The following RABGAP1 variants were observed in gnomAD, a reference collection of about 807,000 sequenced individuals.
RABGAP1 encodes the protein RAB GTPase activating protein 1, also known as rab GTPase-activating protein 1.
A neutral mutation model predicts 137.6 loss-of-function variants in RABGAP1; 23 were observed. That is an observed-to-expected ratio of 0.17 (90% confidence interval 0.12 to 0.24). The LOEUF (loss-of-function observed/expected upper bound fraction) is 0.24. Among genes scored for constraint, RABGAP1 ranks in the 10% least tolerant of loss-of-function variants. The probability of loss-of-function intolerance (pLI) is 1.00; values close to 1 mark genes in which losing one functional copy is unlikely to be tolerated. For missense variants in RABGAP1, 906 were observed against 1,275.8 expected (o/e 0.71, Z 4.42); for synonymous variants, 451 against 450.7 (o/e 1.00, Z -0.01).
At chr9:123,023,812 T>C (rs1451436452) in intron 13 of RABGAP1, among the ~76,000 whole-genome samples, 1 of 152,226 alleles carries the variant, frequency 6.6e-6, no homozygotes, top group Non-Finnish European at 1.5e-5. Context: ...AAAGTATTTA[T>C]TCTGAACATG....
At chr9:122,948,817 T>C (rs1365228515) in intron 1 of RABGAP1, among the ~76,000 whole-genome samples, 1 of 152,194 alleles carries the variant, frequency 6.6e-6, no homozygotes, top group Non-Finnish European at 1.5e-5. Flanking sequence ...TACATGCATG[T>C]AGAGTAGCAT....
chr9:123,033,918 A>G (rs1420697464), intron 13 of RABGAP1, among the ~76,000 whole-genome samples: 1 of 152,214 alleles, frequency 6.6e-6, no homozygotes, highest in African/African-American at 2.4e-5. Flanking sequence ...CCCCCGTCTC[A>G]AATGAAAGGA....
At chr9:123,031,468 A>G (rs1479046893) in intron 13 of RABGAP1, among the ~76,000 whole-genome samples, 1 of 152,216 alleles carries the variant, frequency 6.6e-6, no homozygotes, top group African/African-American at 2.4e-5. Flanking sequence ...ACAATGGGGT[A>G]CAATAATAAA....
chr9:122,975,431 A>G (rs905909720), intron 2 of RABGAP1, among the ~76,000 whole-genome samples: 6 of 152,186 alleles, frequency 3.9e-5, no homozygotes, highest in African/African-American at 4.8e-5. Flanking sequence ...CATAAATGCA[A>G]TTTTGCTCTC....
At chr9:123,017,521 A>G (rs2031321198) in intron 12 of RABGAP1, among the ~76,000 whole-genome samples, 1 of 152,138 alleles carries the variant, frequency 6.6e-6, no homozygotes, top group Non-Finnish European at 1.5e-5. Flanking sequence ...TTCTATGGAT[A>G]TGTGTTCTAT....
Position 123,008,565 on chromosome 9 carries a change from G to A in RABGAP1, c.1375-1789G>A, listed in dbSNP as rs28569297. ...ATCTCAAAAAAAAAAAAAAAAAAGAGCTATTGCTGATCTTTGAACTGTTTA... is the reference window on the plus strand; with the variant it reads ...ATCTCAAAAAAAAAAAAAAAAAAGAACTATTGCTGATCTTTGAACTGTTTA... On this transcript the variant is annotated intron_variant, in intron 10 of 25. Coordinates refer to ENST00000373647, the MANE Select transcript of RABGAP1 (RefSeq NM_012197.4). Among the ~76,000 whole-genome samples the A allele has an allele frequency of 1.6e-3, 241 of 148,642 alleles. 1 individual carries two copies. The highest frequency in any genetic ancestry group is 5.6e-3 in the African/African-American group (227 of 40,642).
At chr9:123,089,641 C>A in intron 19 of RABGAP1, 117 bp from the exon 20 acceptor site, 1 of 731,602 alleles carries the variant, frequency 1.4e-6, no homozygotes, top group Non-Finnish European at 2.2e-6. Context: ...TAGGAAATAC[C>A]ACATCCATAA....
intron 2 of RABGAP1, among the ~76,000 whole-genome samples, chr9:122,966,833 AGGAGGAAGTCATGTC>A: frequency 6.6e-6 from 1 of 152,308 alleles, no homozygotes; most frequent in Non-Finnish European, 1.5e-5. Flanking sequence ...GAAGGCAAGG[AGGAGGAAGTCATGTC>A]TTACATGGAT....
At chr9:123,100,425 GTGTGTGTGTGTGTT>G (rs1227875855) in intron 24 of RABGAP1, among the ~76,000 whole-genome samples, 1 of 99,506 alleles carries the variant, frequency 1.0e-5, no homozygotes, top group Non-Finnish European at 2.7e-5. Flanking sequence ...GTGTGTGTGT[GTGTGTGTGTGTGTT>G]TGAGACAGAG....
chr9:123,076,162 T>TA, intron 17 of RABGAP1, 83 bp from the exon 18 acceptor site: 1 of 1,388,856 alleles, frequency 7.2e-7, no homozygotes, highest in South Asian at 1.3e-5. Context: ...ACAATTTCTT[T>TA]AAAAATGTGG....
At position 122,982,936 on chromosome 9, in the gene RABGAP1, C is replaced by T. The variant is rs537340722; in HGVS notation, c.151-1549C>T. ...CCAGGCTGGAGTGCAGTGGCGTGAT[C>T]TCGGGTCACTGCAGCCTCAACTTCT... On this transcript the variant is annotated intron_variant, in intron 2 of 25. Coordinates refer to ENST00000373647, the MANE Select transcript of RABGAP1 (RefSeq NM_012197.4). Among the ~76,000 whole-genome samples the T allele has an allele frequency of 2.1e-4, 32 of 152,226 alleles. 1 individual carries two copies. Among genetic ancestry groups the T allele is most frequent in the Middle Eastern group, 6.8e-3 (2 of 294 alleles).
At chr9:123,002,299 C>CA (rs200227677) in intron 10 of RABGAP1, among the ~76,000 whole-genome samples, 1,423 of 124,756 alleles carry the variant, frequency 0.011, 6 homozygotes, top group African/African-American at 0.014. Context: ...AAAACTCCGT[C>CA]AAAAAAAAAA....
intron 10 of RABGAP1, among the ~76,000 whole-genome samples, chr9:123,005,056 C>CAAAA (rs11421673): frequency 1.1e-4 from 10 of 93,854 alleles, no homozygotes; most frequent in East Asian, 2.7e-4. Flanking sequence ...AACTCCATCT[C>CAAAA]AAAAAAAAAA....
At chr9:123,055,105 T>G (rs188973376) in intron 13 of RABGAP1, among the ~76,000 whole-genome samples, 2 of 152,280 alleles carry the variant, frequency 1.3e-5, no homozygotes, top group Admixed American at 1.3e-4. Context: ...TTATTTGGGA[T>G]TCTTCTGCAT....
At chr9:122,986,995 C>A (rs1052439437) in intron 4 of RABGAP1, among the ~76,000 whole-genome samples, 1 of 151,868 alleles carries the variant, frequency 6.6e-6, no homozygotes, top group South Asian at 2.1e-4. Context: ...AAATTAGCCA[C>A]GCATGGTCAT....
In RABGAP1 at chr9:123,079,446, C is replaced by T. The variant is rs1588389255; in HGVS notation, c.2424+2684C>T. Among the ~76,000 whole-genome samples, 6 of 152,096 alleles carry T rather than the reference C, an allele frequency of 3.9e-5. No homozygotes were observed. In the South Asian group the frequency reaches 1.0e-3, roughly 26 times the overall value. On this transcript the variant is annotated intron_variant, in intron 19 of 25. Coordinates refer to ENST00000373647, the MANE Select transcript of RABGAP1 (RefSeq NM_012197.4). ...TAGAGACAGCGTTTCGCCATGTTGG[C>T]CAGGCTGGTCTCAACTTCCTGACCT...
intron 13 of RABGAP1, among the ~76,000 whole-genome samples, chr9:123,024,458 CAG>C (rs1212881727): frequency 6.8e-6 from 1 of 146,484 alleles, no homozygotes; most frequent in African/African-American, 2.5e-5. Flanking sequence ...TTTTTTGAGA[CAG>C]AGTCTTGCTC....
intron 12 of RABGAP1, among the ~76,000 whole-genome samples, chr9:123,016,744 T>C (rs560887536): frequency 6.6e-6 from 1 of 152,340 alleles, no homozygotes; most frequent in Admixed American, 6.5e-5. Context: ...TATTGGCCTG[T>C]TACTTTGGGG....
chr9:122,950,377 CTTTTTTT>C (rs200424486), intron 1 of RABGAP1, among the ~76,000 whole-genome samples: 82 of 74,488 alleles, frequency 1.1e-3, no homozygotes, highest in African/African-American at 3.3e-3. Context: ...CTTTTTCTTT[CTTTTTTT>C]TTTTTTTTTT....
Sources: gnomAD v4.1 joint callset for allele counts (sites outside exome capture counted in the v4.1 genomes callset) on GRCh38, gnomAD v4.1.1 for gene constraint, MANE v1.5 for transcripts, NCBI Gene and HGNC (gene_info 2026-07-23, HGNC 2026-07-21) for gene names.